The following ARSB variants were observed in gnomAD, a reference collection of about 807,000 sequenced individuals.
The protein encoded by ARSB is arylsulfatase B.
ARSB carries 41 observed loss-of-function variants against 50.9 expected under a neutral mutation model. The observed-to-expected ratio is 0.81, with a 90% CI of 0.63 to 1.04. ARSB has a LOEUF of 1.04. Among genes scored for constraint, ARSB ranks in the 50% least tolerant of loss-of-function variants. ARSB has a pLI of 0.00. For missense variants in ARSB, 672 were observed against 693.3 expected (o/e 0.97, Z 0.35); for synonymous variants, 269 against 284.8 (o/e 0.94, Z 0.56).
chr5:78,891,640 C>T (rs1210536275), intron 4 of ARSB, among the ~76,000 whole-genome samples: 2 of 152,134 alleles, frequency 1.3e-5, no homozygotes, highest in Non-Finnish European at 2.9e-5. Flanking sequence ...ACCATAAGGA[C>T]AGGACAGAGC....
intron 3 of ARSB, among the ~76,000 whole-genome samples, chr5:78,963,949 C>A (rs1271210402): frequency 2.6e-5 from 4 of 152,026 alleles, no homozygotes; most frequent in Non-Finnish European, 5.9e-5. Flanking sequence ...GAGGAACTGC[C>A]CTGATCCCAA....
chr5:78,867,391 G>C (rs1396407400), intron 5 of ARSB, among the ~76,000 whole-genome samples: 2 of 152,122 alleles, frequency 1.3e-5, no homozygotes, highest in Non-Finnish European at 2.9e-5. Flanking sequence ...AAAGACAGCA[G>C]TAACCTCTGC....
chr5:78,833,890 T>C (rs1051631658), intron 6 of ARSB, among the ~76,000 whole-genome samples: 2 of 152,234 alleles, frequency 1.3e-5, no homozygotes, highest in African/African-American at 4.8e-5. Flanking sequence ...TTCAAACATC[T>C]GTATATAATG....
At chr5:78,867,543 C>A (rs1746841954) in intron 5 of ARSB, among the ~76,000 whole-genome samples, 1 of 152,068 alleles carries the variant, frequency 6.6e-6, no homozygotes, top group Admixed American at 6.5e-5. Flanking sequence ...GGGAGGCACC[C>A]CCCAGCAGGG....
chr5:78,782,075 A>G (rs953074616), intron 6 of ARSB, 101 bp from the exon 7 acceptor site: 1 of 1,422,500 alleles, frequency 7.0e-7, no homozygotes, highest in Non-Finnish European at 9.9e-7. Flanking sequence ...TTTATTCAAC[A>G]CTGGAGTGCA....
At chr5:78,978,412 G>T (rs187816664) in intron 1 of ARSB, among the ~76,000 whole-genome samples, 4 of 151,122 alleles carry the variant, frequency 2.6e-5, no homozygotes, top group Non-Finnish European at 5.9e-5. Flanking sequence ...ATATTGTTGA[G>T]GTAGTAATAC....
At chr5:78,872,886 C>T (rs533862537) in intron 5 of ARSB, among the ~76,000 whole-genome samples, 10 of 150,960 alleles carry the variant, frequency 6.6e-5, no homozygotes, top group East Asian at 1.9e-4. Flanking sequence ...CAATACACAG[C>T]GCTCTTGAAG....
intron 4 of ARSB, among the ~76,000 whole-genome samples, chr5:78,927,381 T>G (rs996435038): frequency 3.9e-5 from 6 of 152,184 alleles, no homozygotes; most frequent in African/African-American, 1.4e-4. Flanking sequence ...GGCTACCTGT[T>G]GAACAGCACA....
At chr5:78,799,399 C>G (rs1323510728) in intron 6 of ARSB, among the ~76,000 whole-genome samples, 1 of 152,186 alleles carries the variant, frequency 6.6e-6, no homozygotes, top group Non-Finnish European at 1.5e-5. Flanking sequence ...GAAATGCCAA[C>G]CGTTAGACAC....
intron 4 of ARSB, among the ~76,000 whole-genome samples, chr5:78,945,629 C>A (rs557883848): frequency 9.9e-5 from 15 of 152,226 alleles, no homozygotes; most frequent in African/African-American, 3.6e-4. Flanking sequence ...ACCATGAGAC[C>A]CTTCACAATT....
intron 1 of ARSB, among the ~76,000 whole-genome samples, chr5:78,983,750 C>T (rs534155283): frequency 6.6e-6 from 1 of 152,280 alleles, no homozygotes. Flanking sequence ...CAGACCACTG[C>T]GCATATCTTT....
chr5:78,873,207 G>A (rs1009571024), intron 5 of ARSB, among the ~76,000 whole-genome samples: 27 of 152,034 alleles, frequency 1.8e-4, no homozygotes, highest in Admixed American at 1.8e-3. Context: ...TTCAGAAATT[G>A]TAAAACTCAG....
intron 4 of ARSB, among the ~76,000 whole-genome samples, chr5:78,886,072 C>T (rs1179518863): frequency 6.6e-6 from 1 of 152,086 alleles, no homozygotes; most frequent in African/African-American, 2.4e-5. Context: ...CACTGGAAAA[C>T]AAGGCAGTCC....
chr5:78,790,029 G>T (rs1177137952), intron 6 of ARSB, among the ~76,000 whole-genome samples: 1 of 152,146 alleles, frequency 6.6e-6, no homozygotes, highest in Non-Finnish European at 1.5e-5. Flanking sequence ...GAACGGGAGG[G>T]TCTAGAGGCA....
intron 6 of ARSB, among the ~76,000 whole-genome samples, chr5:78,798,213 A>T (rs868282991): frequency 2.6e-5 from 4 of 152,306 alleles, no homozygotes; most frequent in Middle Eastern, 6.8e-3. Context: ...TCATCCTCCA[A>T]TTAAAGTGAC....
At chr5:78,780,737 G>C (rs1395769968) in intron 7 of ARSB, 75 bp from the exon 8 acceptor site, 2 of 1,563,196 alleles carry the variant, frequency 1.3e-6, no homozygotes, top group Non-Finnish European at 8.8e-7. Flanking sequence ...AGGAGTCTGA[G>C]GCCAAGGCTG....
intron 6 of ARSB, among the ~76,000 whole-genome samples, chr5:78,811,010 A>C (rs527606767): frequency 6.6e-6 from 1 of 152,238 alleles, no homozygotes; most frequent in Admixed American, 6.5e-5. Flanking sequence ...TAATTTAACA[A>C]CATGAAAAAA....
intron 1 of ARSB, among the ~76,000 whole-genome samples, chr5:78,977,300 C>T (rs1030301880): frequency 1.1e-4 from 16 of 152,132 alleles, no homozygotes; most frequent in Middle Eastern, 6.8e-3. Flanking sequence ...ATTACAGGTG[C>T]GCACCATCAT....
chr5:78,785,605 A>C (rs1414296180), intron 6 of ARSB, among the ~76,000 whole-genome samples: 1 of 152,228 alleles, frequency 6.6e-6, no homozygotes, highest in African/African-American at 2.4e-5. Flanking sequence ...GTACCTGCAT[A>C]ATATATTTTT....
Sources: allele counts gnomAD v4.1 joint callset (sites outside exome capture counted in the v4.1 genomes callset), GRCh38; gene constraint gnomAD v4.1.1; transcripts MANE v1.5; gene names NCBI Gene and HGNC (gene_info 2026-07-23, HGNC 2026-07-21).